The following IQSEC2 variants were observed in gnomAD, a reference collection of about 807,000 sequenced individuals.
IQSEC2 encodes the protein IQ motif and Sec7 domain ArfGEF 2, also known as IQ motif and SEC7 domain-containing protein 2.
A neutral mutation model predicts 74.6 loss-of-function variants in IQSEC2; 6 were observed. The ratio of observed to expected loss-of-function variants is 0.08; its 90% CI spans 0.04 to 0.16. The LOEUF (loss-of-function observed/expected upper bound fraction) is 0.16, where lower values mean the gene tolerates loss of function less well. Among genes scored for constraint, IQSEC2 ranks in the 10% least tolerant of loss-of-function variants. The pLI, the probability that IQSEC2 is intolerant of heterozygous loss-of-function variation, is 1.00. For missense variants in IQSEC2, 734 were observed against 1,306.2 expected (o/e 0.56, Z 6.75); for synonymous variants, 494 against 544.5 (o/e 0.91, Z 1.29).
At chrX:53,247,903 T>G in intron 7 of IQSEC2, among the ~76,000 whole-genome samples, 1 of 112,412 alleles carries the variant, frequency 8.9e-6, no homozygotes, top group Non-Finnish European at 1.9e-5. Context: ...CTGATGTTGT[T>G]GTCACTTATC....
intron 2 of IQSEC2, among the ~76,000 whole-genome samples, chrX:53,274,452 CTTTTTTTTTTTT>C (rs66510453): frequency 6.4e-5 from 3 of 47,113 alleles, no homozygotes; most frequent in Non-Finnish European, 1.0e-4. Flanking sequence ...AGTTACATTT[CTTTTTTTTTTTT>C]TTTTTTTTTT....
At chrX:53,253,613 G>T (rs782149576) in intron 4 of IQSEC2, among the ~76,000 whole-genome samples, 29 of 112,186 alleles carry the variant, frequency 2.6e-4, no homozygotes, top group African/African-American at 8.4e-4. Context: ...GTTTTCTGTG[G>T]TTCTCCCAGA....
intron 1 of IQSEC2, among the ~76,000 whole-genome samples, 185 bp from the exon 2 acceptor site, chrX:53,292,109 C>T (rs1602350358): frequency 9.0e-6 from 1 of 111,727 alleles, no homozygotes; most frequent in African/African-American, 3.3e-5. Flanking sequence ...TAGAGTGCCT[C>T]GCCAGTTGGA....
chrX:53,234,267 G>C lies in IQSEC2; in HGVS notation c.4419C>G (p.Pro1473=). 1 of 1,066,726 alleles carries C rather than the reference G, an allele frequency of 9.4e-7. No individual in the cohort carries two copies. The highest frequency in any genetic ancestry group is 1.2e-6 in the Non-Finnish European group (1 of 815,675). The allele number at this position is 1,066,726 out of a possible 1,213,427, so 87.9% of individuals were successfully genotyped here. The change falls in exon 15 of 15, where the codon CCC becomes CCG. Residue 1473 remains proline (P), a synonymous_variant. Transcript: ENST00000642864. ...ASGPPGTANP[P]SANPKAKPSR... ...TTGGCTTGGCCTTGGGGTTTGCACT[G>C]GGGGGGTTGGCTGTGCCAGGGGGCC...
At chrX:53,274,452 CTTTTT>C (rs66510453) in intron 2 of IQSEC2, among the ~76,000 whole-genome samples, 30 of 47,120 alleles carry the variant, frequency 6.4e-4, no homozygotes, top group African/African-American at 2.3e-3. Context: ...AGTTACATTT[CTTTTT>C]TTTTTTTTTT....
intron 1 of IQSEC2, among the ~76,000 whole-genome samples, chrX:53,300,766 A>G (rs17002617): frequency 0.11 from 11,763 of 111,465 alleles, 1,312 homozygotes; most frequent in African/African-American, 0.33. Context: ...AAGGAAGCCT[A>G]TCGCAGCATG....
intron 1 of IQSEC2, among the ~76,000 whole-genome samples, chrX:53,292,825 G>A (rs1216293517): frequency 8.9e-6 from 1 of 111,781 alleles, no homozygotes; most frequent in Non-Finnish European, 1.9e-5. Flanking sequence ...GTGTACGGGA[G>A]GGAGGATCAG....
At chrX:53,271,748 T>A (rs782567384) in intron 2 of IQSEC2, among the ~76,000 whole-genome samples, 12 of 111,703 alleles carry the variant, frequency 1.1e-4, no homozygotes, top group Non-Finnish European at 2.1e-4. Context: ...TGACTGCTAA[T>A]GTGATGTTTC....
intron 1 of IQSEC2, among the ~76,000 whole-genome samples, chrX:53,317,292 A>G: frequency 9.0e-6 from 1 of 111,676 alleles, no homozygotes; most frequent in Non-Finnish European, 1.9e-5. Flanking sequence ...ATCTCACTCT[A>G]TCTGCACTAG....
chrX:53,289,470 C>G (rs1487845699), intron 2 of IQSEC2, among the ~76,000 whole-genome samples: 2 of 111,428 alleles, frequency 1.8e-5, no homozygotes, highest in Non-Finnish European at 3.8e-5. Context: ...AACCCACCCC[C>G]CTCGCTTCCC....
At chrX:53,270,000 C>T (rs1266219425) in intron 2 of IQSEC2, among the ~76,000 whole-genome samples, 6 of 110,470 alleles carry the variant, frequency 5.4e-5, no homozygotes, top group African/African-American at 2.0e-4. Flanking sequence ...TCTTTCACTC[C>T]ACACTTTTTC....
At position 53,234,672 on chromosome X, in the gene IQSEC2, C is replaced by T; in HGVS notation, c.4014G>A (p.Arg1338=). 1 of 1,138,290 alleles carries T rather than the reference C, an allele frequency of 8.8e-7. No homozygotes were observed. Among genetic ancestry groups the T allele is most frequent in the Non-Finnish European group, 1.2e-6 (1 of 858,405 alleles). The allele number at this position is 1,138,290 out of a possible 1,213,427, so 93.8% of individuals were successfully genotyped here. A position where few individuals can be genotyped will look rare whatever the true frequency, so the allele number is the denominator to read the frequency against. The stretch of plus-strand genomic sequence containing the variant: ...CCCCCCGTCTGGGTGCCCTGCCTGG[C>T]CGGCCCAAGGTATAGTGTTGGGGCC... ...VPGPQHYTLG[R]PGRAPRRGAG... Residue 1338 remains arginine (R), a synonymous_variant, in exon 15 of 15, where the codon CGG becomes CGA. Coordinates refer to ENST00000642864, the MANE Select transcript of IQSEC2 (RefSeq NM_001111125.3).
chrX:53,255,064 C>T lies in IQSEC2; in HGVS notation c.1000-133G>A, dbSNP rs182479066. ...GCCACCGAGAGCGCCAGGCTAGGTG[C>T]TCAGTGTTGTCTCCTCACTTGAATT... On this transcript the variant is annotated intron_variant, in intron 3 of 14. Coordinates refer to ENST00000642864, the MANE Select transcript of IQSEC2 (RefSeq NM_001111125.3). 5.6e-3 allele frequency: 3,218 copies of T among 574,325 alleles called. 5 individuals carry two copies. Among genetic ancestry groups the T allele is most frequent in the Non-Finnish European group, 6.2e-3 (2,209 of 356,505 alleles). The allele number at this position is 574,325 out of a possible 1,213,427, so 47.3% of individuals were successfully genotyped here.
intron 2 of IQSEC2, among the ~76,000 whole-genome samples, chrX:53,268,434 C>T (rs1470226520): frequency 9.0e-6 from 1 of 111,403 alleles, no homozygotes; most frequent in Non-Finnish European, 1.9e-5. Context: ...GGCGCAAGTT[C>T]TGGGCAAGTA....
chrX:53,305,647 C>CTT (rs1325235597), intron 1 of IQSEC2, among the ~76,000 whole-genome samples: 1 of 112,270 alleles, frequency 8.9e-6, no homozygotes, highest in Non-Finnish European at 1.9e-5. Flanking sequence ...AGCAATGTGA[C>CTT]TTACCCAGAC....
intron 2 of IQSEC2, among the ~76,000 whole-genome samples, chrX:53,265,535 A>G (rs1252064608): frequency 9.0e-6 from 1 of 111,698 alleles, no homozygotes; most frequent in Non-Finnish European, 1.9e-5. Flanking sequence ...GCTCAAGGTT[A>G]TACAGATGTA....
intron 2 of IQSEC2, among the ~76,000 whole-genome samples, chrX:53,289,192 G>A (rs73634287): frequency 0.11 from 7,514 of 68,315 alleles, 662 homozygotes; most frequent in African/African-American, 0.33. Context: ...AAGTTTATTA[G>A]ATGAGGAAAC....
In IQSEC2 at chrX:53,320,821, C is replaced by T. The variant is rs1556880231; in HGVS notation, c.303G>A (p.Glu101=). 7.7e-6 allele frequency: 9 copies of T among 1,164,143 alleles called. No homozygotes were observed. In the South Asian group the frequency reaches 1.5e-4, roughly 20 times the overall value. ...CCTGGTGGAACTGGCTCTCCCGCAG[C>T]TCGCGGTGGTGGAACTGGGTCTCGC... ...NLRETQFHHR[E]LRESQFHQAA... is the part of the protein sequence containing the mutation. The change falls in exon 1 of 15, where the codon GAG becomes GAA. Residue 101 remains glutamate, a synonymous_variant. Coordinates refer to ENST00000642864, the MANE Select transcript of IQSEC2 (RefSeq NM_001111125.3).
chrX:53,296,233 C>A (rs2075151403), intron 1 of IQSEC2, among the ~76,000 whole-genome samples: 1 of 111,025 alleles, frequency 9.0e-6, no homozygotes, highest in Non-Finnish European at 1.9e-5. Context: ...TGGGGTTTCA[C>A]CATGTTGGTC....
Sources: gnomAD v4.1 joint callset for allele counts (sites outside exome capture counted in the v4.1 genomes callset) on GRCh38, gnomAD v4.1.1 for gene constraint, MANE v1.5 for transcripts, NCBI Gene and HGNC (gene_info 2026-07-23, HGNC 2026-07-21) for gene names.